The following SHISA9 variants were observed in gnomAD, a reference collection of about 807,000 sequenced individuals.
SHISA9 encodes protein shisa-9.
Under a neutral mutation model 38.0 loss-of-function variants are expected in SHISA9, and 13 were observed. That is an observed-to-expected ratio of 0.34 (90% CI 0.22 to 0.54). The LOEUF (loss-of-function observed/expected upper bound fraction) is 0.54, where lower values mean the gene tolerates loss of function less well. Among genes scored for constraint, SHISA9 ranks in the 20% least tolerant of loss-of-function variants. The pLI, the probability that SHISA9 is intolerant of heterozygous loss-of-function variation, is 0.91. For synonymous variants in SHISA9, 275 were observed against 242.0 expected, an observed-to-expected ratio of 1.14 and a Z score of -1.27; for missense variants, 538 against 575.8, an observed-to-expected ratio of 0.93 and a Z score of 0.67.
At chr16:13,010,555 A>G (rs1433528485) in intron 2 of SHISA9, among the ~76,000 whole-genome samples, 1 of 152,250 alleles carries the variant, frequency 6.6e-6, no homozygotes, top group Non-Finnish European at 1.5e-5. Context: ...AATCAGAATC[A>G]GCAGCATTAT....
chr16:12,908,165 A>G (rs547776266), intron 1 of SHISA9, among the ~76,000 whole-genome samples: 1 of 152,172 alleles, frequency 6.6e-6, no homozygotes, highest in Admixed American at 6.5e-5. Context: ...CTTATTATTG[A>G]CATTTTTTAC....
At chr16:13,324,069 C>T in the SHISA9 span, among the ~76,000 whole-genome samples, 3 of 152,166 alleles carry the variant, frequency 2.0e-5, no homozygotes, top group Non-Finnish European at 4.4e-5. Context: ...TGCTCCCTCT[C>T]GTGCCATCGA....
At chr16:13,307,312 G>A in the SHISA9 span, among the ~76,000 whole-genome samples, 1 of 152,130 alleles carries the variant, frequency 6.6e-6, no homozygotes, top group African/African-American at 2.4e-5. Context: ...ATTCCAGAAT[G>A]GTGTGGCCTT....
the SHISA9 span, among the ~76,000 whole-genome samples, chr16:13,503,462 C>T: frequency 5.9e-5 from 9 of 152,154 alleles, no homozygotes; most frequent in Non-Finnish European, 1.3e-4. Context: ...CATGCTGATG[C>T]ATTCACCTGG....
intron 2 of SHISA9, among the ~76,000 whole-genome samples, chr16:13,104,957 T>G (rs2073912299): frequency 6.6e-6 from 1 of 152,148 alleles, no homozygotes; most frequent in Non-Finnish European, 1.5e-5. Flanking sequence ...CACTGTCAAT[T>G]ACTTACGTTG....
chr16:13,112,638 A>C (rs1431065669), intron 2 of SHISA9, among the ~76,000 whole-genome samples: 4 of 149,222 alleles, frequency 2.7e-5, no homozygotes, highest in African/African-American at 9.9e-5. Context: ...TTTTTTTTTT[A>C]ACAAAACAAA....
chr16:13,019,844 TTCCCTCCCTCCCTCCCTCCC>T (rs1168853160), intron 2 of SHISA9, among the ~76,000 whole-genome samples: 4 of 58,570 alleles, frequency 6.8e-5, no homozygotes, highest in African/African-American at 3.3e-4. Context: ...TTTTCCTTCC[TTCCCTCCCTCCCTCCCTCCC>T]TCCCTCCCTC....
rs543312461 is a variant in SHISA9 at position 13,149,876 on chromosome 16, G to A, written c.692-53518G>A. Among the ~76,000 whole-genome samples the A allele has an allele frequency of 2.8e-4, 41 of 146,202 alleles. No individual in the cohort carries two copies. The Middle Eastern group carries it at 0.011, about 41-fold the overall frequency. ...GGAAGCAGAGGTTGCAGTGAGCAGC[G>A]ATCATGCCACTGCACTCCAGCCTGG... On this transcript the variant is annotated intron_variant, in intron 2 of 4. Coordinates refer to ENST00000558583, the MANE Select transcript of SHISA9 (RefSeq NM_001145204.3).
At chr16:13,372,410 G>C in the SHISA9 span, among the ~76,000 whole-genome samples, 65 of 152,292 alleles carry the variant, frequency 4.3e-4, 1 homozygote, top group African/African-American at 1.5e-3. Flanking sequence ...AGGTGATATA[G>C]CTTCCTCCTA....
chr16:12,981,477 C>T (rs1029344768), intron 2 of SHISA9, among the ~76,000 whole-genome samples: 3 of 152,234 alleles, frequency 2.0e-5, no homozygotes, highest in Admixed American at 2.0e-4. Context: ...CCATCCCCCG[C>T]ATCCCAGTCC....
chr16:13,071,697 G>A (rs1296484402), intron 2 of SHISA9, among the ~76,000 whole-genome samples: 8 of 151,604 alleles, frequency 5.3e-5, no homozygotes, highest in Non-Finnish European at 1.2e-4. Context: ...GAGTGAAGTG[G>A]CACGATCTCA....
At chr16:13,464,256 C>T in the SHISA9 span, among the ~76,000 whole-genome samples, 3 of 152,322 alleles carry the variant, frequency 2.0e-5, no homozygotes, top group Admixed American at 2.0e-4. Context: ...ATCACCTCAT[C>T]TGCAGGGAGA....
downstream of SHISA9, among the ~76,000 whole-genome samples, chr16:13,244,958 C>A (rs1215433227): frequency 1.3e-5 from 2 of 152,204 alleles, no homozygotes; most frequent in Non-Finnish European, 2.9e-5. Context: ...CTCTGTTGCC[C>A]AGGCTGGAGT....
the SHISA9 span, among the ~76,000 whole-genome samples, chr16:13,314,026 T>G: frequency 1.3e-5 from 2 of 150,416 alleles, no homozygotes; most frequent in Admixed American, 1.3e-4. Context: ...TTGCTTTTGC[T>G]CTGCTAACAA....
the SHISA9 span, among the ~76,000 whole-genome samples, chr16:13,326,406 C>T: frequency 2.0e-5 from 3 of 152,340 alleles, no homozygotes; most frequent in Admixed American, 6.5e-5. Context: ...TTTCCAGTCT[C>T]CTTGCATCAC....
the SHISA9 span, among the ~76,000 whole-genome samples, chr16:13,292,988 G>T: frequency 6.6e-6 from 1 of 152,132 alleles, no homozygotes; most frequent in South Asian, 2.1e-4. Context: ...CATCAAATGA[G>T]GATCTTTTTT....
At chr16:13,138,755 G>A (rs574339184) in intron 2 of SHISA9, among the ~76,000 whole-genome samples, 1 of 152,302 alleles carries the variant, frequency 6.6e-6, no homozygotes, top group South Asian at 2.1e-4. Flanking sequence ...TGCCCTATGA[G>A]TCATTTTCCC....
the SHISA9 span, among the ~76,000 whole-genome samples, chr16:13,328,591 TACACACACACACACACACACACACAC>T: frequency 5.0e-5 from 7 of 139,968 alleles, no homozygotes; most frequent in South Asian, 1.2e-3. Flanking sequence ...TATATGTGTA[TACACACACACACACACACACACACAC>T]ACACACACAC....
At chr16:13,464,429 G>T in the SHISA9 span, among the ~76,000 whole-genome samples, 1 of 152,160 alleles carries the variant, frequency 6.6e-6, no homozygotes, top group Admixed American at 6.5e-5. Flanking sequence ...CCCAAAACTG[G>T]TGCTATTTCC....
Sources: allele counts gnomAD v4.1 joint callset (sites outside exome capture counted in the v4.1 genomes callset), GRCh38; gene constraint gnomAD v4.1.1; transcripts MANE v1.5; gene names NCBI Gene and HGNC (gene_info 2026-07-23, HGNC 2026-07-21).